TACC2: variants seen among roughly 807,000 people sequenced by gnomAD.
TACC2 encodes transforming acidic coiled-coil containing protein 2, also known as transforming acidic coiled-coil-containing protein 2.
Under a neutral mutation model 227.3 loss-of-function variants are expected in TACC2, and 137 were observed. The ratio of observed to expected loss-of-function variants is 0.60; its 90% CI spans 0.52 to 0.69. The LOEUF (loss-of-function observed/expected upper bound fraction) is 0.69. Ranked by LOEUF, TACC2 falls within the 30% of genes least tolerant of loss-of-function variation. The pLI is 0.00. For missense variants in TACC2, 3,470 were observed against 3,694.4 expected (o/e 0.94, Z 1.57); for synonymous variants, 1,523 against 1,487.5 (o/e 1.02, Z -0.55).
Position 122,050,593 on chromosome 10 carries a change from CCCCG to C in TACC2, c.146+45_146+48del. The C allele has an allele frequency of 1.3e-6, 2 of 1,488,968 alleles. No homozygotes were observed. Among genetic ancestry groups the C allele is most frequent in the South Asian group, 1.1e-5 (1 of 88,038 alleles). 92.2% of individuals were successfully genotyped at this position (1,488,968 alleles called of 1,614,324 possible). Reference sequence around the variant, plus strand: ...GAGGACTGATGCAGCCCAAGGACTGCCCCGCTCATTGCCTGCTCCAGCATTAGCT... The same window carrying C: ...GAGGACTGATGCAGCCCAAGGACTGCCTCATTGCCTGCTCCAGCATTAGCT... On this transcript the variant is annotated intron_variant, in intron 3 of 22. Coordinates refer to ENST00000369005, the MANE Select transcript of TACC2 (RefSeq NM_206862.4). This position sits in a 1 kb window ranked among gnomAD's most constrained non-coding sequence, Gnocchi z 4.6.
chr10:122,111,556 C>T (rs7071487), intron 5 of TACC2, among the ~76,000 whole-genome samples: 77,130 of 152,048 alleles, frequency 0.51, 19,747 homozygotes, highest in East Asian at 0.66. Context: ...GGTGGTGCAA[C>T]CTCGGCTCAC....
intron 8 of TACC2, among the ~76,000 whole-genome samples, chr10:122,204,279 T>C (rs2095027984): frequency 6.6e-6 from 1 of 152,086 alleles, no homozygotes; most frequent in East Asian, 1.9e-4. Context: ...CATGCCTGCT[T>C]ATAAAGGATG....
intron 8 of TACC2, among the ~76,000 whole-genome samples, chr10:122,208,190 G>A (rs964654439): frequency 2.6e-5 from 4 of 152,206 alleles, no homozygotes; most frequent in African/African-American, 7.2e-5. Flanking sequence ...GCCCTGGGTG[G>A]AGAAGAGGAG....
chr10:122,055,255 C>T (rs1222014208), intron 3 of TACC2, among the ~76,000 whole-genome samples: 2 of 151,946 alleles, frequency 1.3e-5, no homozygotes, highest in South Asian at 2.1e-4. Flanking sequence ...AGAAGGGTGA[C>T]GTGAACAAGC....
At position 122,180,346 on chromosome 10, in the gene TACC2, T is replaced by C. The variant is rs2093929225; in HGVS notation, c.5835-14694T>C. Among the ~76,000 whole-genome samples the C allele has an allele frequency of 6.6e-6, 1 of 151,790 alleles. No homozygotes were observed. The highest frequency in any genetic ancestry group is 1.5e-5 in the Non-Finnish European group (1 of 67,940). ...ACTTTCTTCCCCCCAGTTCTTTTTT[T>C]TTTTTTTTGGGTTAATAGTCTGGCT... On this transcript the variant is annotated intron_variant, in intron 7 of 22. Coordinates refer to ENST00000369005, the MANE Select transcript of TACC2 (RefSeq NM_206862.4). This position sits in a 1 kb window ranked among gnomAD's most constrained non-coding sequence, Gnocchi z 4.5.
chr10:122,055,766 G>A (rs75908679), intron 3 of TACC2, among the ~76,000 whole-genome samples: 3,748 of 152,324 alleles, frequency 0.025, 73 homozygotes, highest in African/African-American at 0.054. Flanking sequence ...CCCCACCTGG[G>A]TGGGAATTTT....
Position 122,230,368 on chromosome 10 carries a change from C to T in TACC2, c.8055C>T (p.Ala2685=). The T allele has an allele frequency of 6.2e-7, 1 of 1,614,196 alleles. No individual in the cohort carries two copies. Among genetic ancestry groups the T allele is most frequent in the Non-Finnish European group, 8.5e-7 (1 of 1,180,030 alleles). The stretch of plus-strand genomic sequence containing the variant: ...GTGGGCAGGAGGAGTTAGAGTTTGC[C>T]ATCATGCGGATAGAAGCCCTGAAGC... ...AQKLQEELEF[A]IMRIEALKLA... Residue 2685 remains alanine (A), a synonymous_variant, in exon 16 of 23, where the codon GCC becomes GCT. Transcript: ENST00000369005.
intron 17 of TACC2, 27 bp from the exon 18 acceptor site, chr10:122,237,934 C>A: frequency 6.3e-7 from 1 of 1,579,262 alleles, no homozygotes; most frequent in Non-Finnish European, 8.7e-7. Flanking sequence ...TTGGGGCTAA[C>A]CTTTCTCTTC....
chr10:122,019,983 C>T (rs1348800205), intron 1 of TACC2: 5 of 152,294 alleles, frequency 3.3e-5, no homozygotes, highest in African/African-American at 9.6e-5. Context: ...CAGACGCAGC[C>T]AGGCTTCCCT....
intron 16 of TACC2, among the ~76,000 whole-genome samples, chr10:122,235,540 G>A (rs1028273869): frequency 1.8e-4 from 28 of 152,266 alleles, no homozygotes; most frequent in African/African-American, 6.3e-4. Flanking sequence ...ACACGGCCCA[G>A]AATTTTTTTC....
chr10:122,065,274 A>G (rs1194620454), intron 3 of TACC2, among the ~76,000 whole-genome samples: 1 of 152,206 alleles, frequency 6.6e-6, no homozygotes, highest in Non-Finnish European at 1.5e-5. Context: ...TTTTAGTGCT[A>G]TAAATGTCAC....
intron 8 of TACC2, among the ~76,000 whole-genome samples, chr10:122,208,254 T>C (rs367649088): frequency 1.3e-5 from 2 of 152,266 alleles, no homozygotes; most frequent in South Asian, 2.1e-4. Flanking sequence ...AAATGATGCT[T>C]TCAATCCAAG....
At chr10:122,216,295 G>T (rs2095405419) in intron 10 of TACC2, among the ~76,000 whole-genome samples, 1 of 152,124 alleles carries the variant, frequency 6.6e-6, no homozygotes, top group Non-Finnish European at 1.5e-5. Context: ...TGATGTGCAG[G>T]CCTGAAGCAC....
chr10:122,103,490 A>G (rs954875), intron 5 of TACC2, among the ~76,000 whole-genome samples: 95,687 of 152,130 alleles, frequency 0.63, 31,252 homozygotes, highest in East Asian at 0.79. Flanking sequence ...CAAATGGTGC[A>G]TAATATTATT....
At chr10:122,136,081 CA>C (rs1346336175) in intron 6 of TACC2, among the ~76,000 whole-genome samples, 2 of 152,152 alleles carry the variant, frequency 1.3e-5, no homozygotes, top group Non-Finnish European at 2.9e-5. Flanking sequence ...AACAGAAGCA[CA>C]CATGGAACAA....
intron 7 of TACC2, among the ~76,000 whole-genome samples, chr10:122,190,714 T>C (rs1183724183): frequency 6.6e-6 from 1 of 152,136 alleles, no homozygotes; most frequent in Non-Finnish European, 1.5e-5. Flanking sequence ...CTGTTTGTGA[T>C]GACTCATGGG....
At chr10:122,097,193 G>A (rs2081539239) in intron 5 of TACC2, among the ~76,000 whole-genome samples, 1 of 152,126 alleles carries the variant, frequency 6.6e-6, no homozygotes, top group African/African-American at 2.4e-5. Context: ...GCGTGGTGTG[G>A]TGGTACATGC....
intron 11 of TACC2, among the ~76,000 whole-genome samples, chr10:122,219,968 A>C (rs1361545913): frequency 6.6e-6 from 1 of 151,292 alleles, no homozygotes; most frequent in Non-Finnish European, 1.5e-5. Flanking sequence ...AACCCAGGAG[A>C]CGGAGGTTGC....
rs750806334 is a variant in TACC2, at chr10:122,132,739, G to A, written c.5699+5G>A. 1.1e-5 allele frequency: 17 copies of A among 1,613,868 alleles called. No individual in the cohort carries two copies. The African/African-American group carries it at 1.2e-4, about 11-fold the overall frequency. ...TACGGATCTGATAGCCCAGAGGTAC[G>A]GTGGGGGCCCTGGAGCTGGTGATGA... On this transcript the variant is annotated splice_donor_5th_base_variant and intron_variant, in intron 6 of 22. Coordinates refer to ENST00000369005, the MANE Select transcript of TACC2 (RefSeq NM_206862.4).
Sources: allele counts gnomAD v4.1 joint callset (sites outside exome capture counted in the v4.1 genomes callset), GRCh38; gene constraint gnomAD v4.1.1; non-coding constraint Gnocchi (gnomAD v3.1); transcripts MANE v1.5; gene names NCBI Gene and HGNC (gene_info 2026-07-23, HGNC 2026-07-21).